Variants in DTNA observed in about 807,000 individuals in gnomAD.
DTNA encodes dystrophin-related protein 3.
In DTNA, 43 loss-of-function variants were observed where a neutral mutation model predicts 100.7. That is an observed-to-expected ratio of 0.43 (90% CI 0.33 to 0.55). The LOEUF is 0.55. DTNA is among the 20% of genes least tolerant of loss of function. DTNA has a pLI of 0.04. For synonymous variants in DTNA, 349 were observed against 347.9 expected (o/e 1.00, Z -0.04); for missense variants, 798 against 953.9 (o/e 0.84, Z 2.15).
Position 34,765,065 on chromosome 18 carries a change from T to C in DTNA, c.68-896T>C, listed in dbSNP as rs148288225. Among the ~76,000 whole-genome samples, 977 of 152,210 alleles carry C rather than the reference T, an allele frequency of 6.4e-3. 6 individuals are homozygous for C. Among genetic ancestry groups the C allele is most frequent in the Middle Eastern group, 0.027 (8 of 294 alleles). On this transcript the variant is annotated intron_variant, in intron 2 of 22. Transcript: ENST00000444659. ...GAGACTGACCAAGGCTACGAGAGAT[T>C]CTGTGGTAGAAAGTGGTGGGCAATG... is the stretch of plus-strand genomic sequence containing the variant.
At chr18:34,553,450 T>A (rs901304049) in intron 1 of DTNA, among the ~76,000 whole-genome samples, 11 of 151,436 alleles carry the variant, frequency 7.3e-5, no homozygotes, top group Non-Finnish European at 1.0e-4. Context: ...ATGAAGTCCT[T>A]GCCCATGCCT....
chr18:34,713,852 G>T (rs2083396316), intron 1 of DTNA, among the ~76,000 whole-genome samples: 1 of 151,722 alleles, frequency 6.6e-6, no homozygotes, highest in Non-Finnish European at 1.5e-5. Flanking sequence ...TTGTAAGTTG[G>T]ATTCCTAGGT....
At chr18:34,781,500 G>T (rs2094320014) in intron 3 of DTNA, among the ~76,000 whole-genome samples, 1 of 151,678 alleles carries the variant, frequency 6.6e-6, no homozygotes, top group Non-Finnish European at 1.5e-5. Flanking sequence ...GGCCTTAAAA[G>T]TTTTTTTTAA....
intron 2 of DTNA, chr18:34,757,202 A>G (rs1354698781): frequency 6.6e-6 from 1 of 152,190 alleles, no homozygotes; most frequent in Non-Finnish European, 1.5e-5. Flanking sequence ...AGGCCTTCCA[A>G]TTTCCTAGAC....
At chr18:34,572,361 A>G (rs1171882646) in intron 1 of DTNA, among the ~76,000 whole-genome samples, 4 of 152,184 alleles carry the variant, frequency 2.6e-5, no homozygotes, top group Non-Finnish European at 4.4e-5. Context: ...GTCAACCATG[A>G]TAATGATGAT....
At chr18:34,727,857 A>T (rs1291954681) in intron 1 of DTNA, among the ~76,000 whole-genome samples, 1 of 152,084 alleles carries the variant, frequency 6.6e-6, no homozygotes, top group Admixed American at 6.6e-5. Context: ...GAGCCACTGC[A>T]CTCAGCGCCT....
chr18:34,875,456 G>C, intron 18 of DTNA, 58 bp downstream of exon 18: 1 of 1,610,266 alleles, frequency 6.2e-7, no homozygotes. Context: ...GGTCACCAAG[G>C]TCTATTGAGT....
At chr18:34,643,374 T>G (rs963796512) in intron 1 of DTNA, among the ~76,000 whole-genome samples, 2 of 152,250 alleles carry the variant, frequency 1.3e-5, no homozygotes, top group African/African-American at 4.8e-5. Context: ...ACATTCTTAT[T>G]TTGTGATAAG....
intron 1 of DTNA, among the ~76,000 whole-genome samples, chr18:34,714,817 A>G (rs2083651780): frequency 6.6e-6 from 1 of 152,182 alleles, no homozygotes; most frequent in Non-Finnish European, 1.5e-5. Flanking sequence ...CAAACGTCCA[A>G]CAATGATAGA....
intron 19 of DTNA, among the ~76,000 whole-genome samples, 195 bp downstream of exon 19, chr18:34,878,003 T>A (rs1180473208): frequency 3.9e-5 from 6 of 152,090 alleles, no homozygotes; most frequent in Admixed American, 1.3e-4. Context: ...AGACAGGGTG[T>A]CTCTGTGTTG....
intron 1 of DTNA, among the ~76,000 whole-genome samples, chr18:34,562,796 A>C (rs898285468): frequency 6.6e-6 from 1 of 152,226 alleles, no homozygotes; most frequent in African/African-American, 2.4e-5. Context: ...TTAGAGGACT[A>C]CTGATTTAGG....
chr18:34,883,122 G>A (rs933252010), intron 21 of DTNA, among the ~76,000 whole-genome samples: 4 of 152,170 alleles, frequency 2.6e-5, no homozygotes, highest in Non-Finnish European at 1.5e-5. Context: ...CATGGAGGTC[G>A]TTCTACTACC....
intron 1 of DTNA, among the ~76,000 whole-genome samples, chr18:34,631,566 T>C (rs1219664269): frequency 2.0e-5 from 3 of 152,162 alleles, no homozygotes; most frequent in African/African-American, 7.2e-5. Context: ...GCAAATAGTT[T>C]TAAGAAGCAA....
At chr18:34,840,917 T>A (rs1346291133) in intron 13 of DTNA, among the ~76,000 whole-genome samples, 1 of 152,156 alleles carries the variant, frequency 6.6e-6, no homozygotes, top group Non-Finnish European at 1.5e-5. Context: ...AGTAATGTAA[T>A]GACCTCTTAC....
chr18:34,650,334 G>A (rs1396642943), intron 1 of DTNA, among the ~76,000 whole-genome samples: 2 of 152,068 alleles, frequency 1.3e-5, no homozygotes, highest in African/African-American at 4.8e-5. Context: ...TTTATTTCAA[G>A]GATGAAGTTC....
chr18:34,778,314 T>C (rs948126314), intron 3 of DTNA, among the ~76,000 whole-genome samples: 3 of 152,220 alleles, frequency 2.0e-5, no homozygotes, highest in African/African-American at 4.8e-5. Flanking sequence ...CAAAAGACTT[T>C]TAAAAAGACA....
chr18:34,633,934 A>G (rs1314081912), intron 1 of DTNA, among the ~76,000 whole-genome samples: 1 of 152,238 alleles, frequency 6.6e-6, no homozygotes, highest in Non-Finnish European at 1.5e-5. Context: ...TTGAGATAAC[A>G]TGGGAAATCT....
At chr18:34,497,675 T>A (rs1180385481) in intron 1 of DTNA, among the ~76,000 whole-genome samples, 2 of 151,540 alleles carry the variant, frequency 1.3e-5, no homozygotes, top group Non-Finnish European at 2.9e-5. Context: ...ATCTGATATT[T>A]CCATTGTTTA....
chr18:34,526,317 A>T (rs1339207911), intron 1 of DTNA, among the ~76,000 whole-genome samples: 2 of 152,148 alleles, frequency 1.3e-5, no homozygotes, highest in East Asian at 3.9e-4. Flanking sequence ...TTAAAAATAA[A>T]ACACTCTTAG....
Sources: allele counts gnomAD v4.1 joint callset (sites outside exome capture counted in the v4.1 genomes callset), GRCh38; gene constraint gnomAD v4.1.1; transcripts MANE v1.5; gene names NCBI Gene and HGNC (gene_info 2026-07-23, HGNC 2026-07-21).